The following CFAP206 variants were observed in gnomAD, a reference collection of about 807,000 sequenced individuals.
CFAP206 encodes the protein cilia and flagella associated protein 206.
In CFAP206, 53 loss-of-function variants were observed where a neutral mutation model predicts 65.4. The ratio of observed to expected loss-of-function variants is 0.81; its 90% CI spans 0.65 to 1.02. CFAP206 has a LOEUF of 1.02. CFAP206 is among the 50% of genes least tolerant of loss of function. The pLI is 0.00. For synonymous variants in CFAP206, 250 were observed against 254.4 expected (o/e 0.98, Z 0.17); for missense variants, 663 against 753.2 (o/e 0.88, Z 1.40).
Position 87,431,126 on chromosome 6 carries a change from G to A in CFAP206, c.1253G>A (p.Gly418Glu), listed in dbSNP as rs142723078. Residue 418 changes from glycine to glutamate, a missense_variant, in exon 10 of 13, where the codon GGA (glycine) becomes GAA (glutamate). By Grantham distance (98) the Gly-to-Glu change is moderately conservative. Coordinates refer to ENST00000369562, the MANE Select transcript of CFAP206 (RefSeq NM_001031743.3). ...GATAAACTGTTAATTCAATATCGGG[G>A]ATTTTGTGCTTACACGTTTGCTGCA... is the stretch of plus-strand genomic sequence containing the variant. ...NFDKLLIQYR[G>E]FCAYTFAATD... The A allele has an allele frequency of 6.2e-7, 1 of 1,613,946 alleles. No homozygotes were observed. Among genetic ancestry groups the A allele is most frequent in the Non-Finnish European group, 8.5e-7 (1 of 1,179,918 alleles).
Position 87,415,839 on chromosome 6 carries a change from C to T in CFAP206, c.437C>T (p.Ser146Phe). 1 of 1,604,574 alleles carries T rather than the reference C, an allele frequency of 6.2e-7. No homozygotes were observed. The highest frequency in any genetic ancestry group is 8.5e-7 in the Non-Finnish European group (1 of 1,176,472). Residue 146 changes from serine (S) to phenylalanine (F), a missense_variant, in exon 5 of 13, where the codon TCC becomes TTC. Transcript: ENST00000369562. ...SYVLLRSGLG[S>F]PTDIKTVREV... Reference sequence around the variant, plus strand: ...GTGTTACTCCGCTCTGGCCTTGGATCCCCTACAGACATCAAGACTGTCAGA... The same window carrying T: ...GTGTTACTCCGCTCTGGCCTTGGATTCCCTACAGACATCAAGACTGTCAGA...
Position 87,431,504 on chromosome 6 carries a change from G to A in CFAP206, c.1300+331G>A, listed in dbSNP as rs540157036. 4.6e-5 allele frequency among the ~76,000 whole-genome samples: 7 copies of A among 152,328 alleles called. No homozygotes were observed. In the South Asian group the frequency reaches 1.2e-3, roughly 27 times the overall value. ...ACATTGGCTGCATGCAGTGGCTCAC[G>A]CCTATAATTCCAGCACTTTGGGAGG... On this transcript the variant is annotated intron_variant, in intron 10 of 12. Transcript: ENST00000369562.
chr6:87,408,131 A>AC (rs1392924553), intron 1 of CFAP206, 42 bp downstream of exon 1: 2 of 958,428 alleles, frequency 2.1e-6, no homozygotes, highest in Non-Finnish European at 2.5e-6. Context: ...CCGGAGGCGT[A>AC]CCCCGCCAGG....
At chr6:87,431,722 C>T (rs1768162993) in intron 10 of CFAP206, among the ~76,000 whole-genome samples, 1 of 152,192 alleles carries the variant, frequency 6.6e-6, no homozygotes, top group Non-Finnish European at 1.5e-5. Context: ...GCTGAGATAA[C>T]TCCACTGCAC....
chr6:87,422,214 C>T (rs922688877), intron 7 of CFAP206, among the ~76,000 whole-genome samples: 8 of 151,540 alleles, frequency 5.3e-5, no homozygotes, highest in East Asian at 3.9e-4. Flanking sequence ...TTTGGGAGGC[C>T]GAGGCAGGCG....
intron 7 of CFAP206, among the ~76,000 whole-genome samples, chr6:87,423,259 T>A (rs1449724413): frequency 2.0e-5 from 3 of 150,542 alleles, no homozygotes; most frequent in Admixed American, 6.6e-5. Flanking sequence ...TTTTTCTTTT[T>A]TTTTTTTGAG....
intron 11 of CFAP206, among the ~76,000 whole-genome samples, chr6:87,436,406 C>T (rs1768268986): frequency 6.6e-6 from 1 of 152,018 alleles, no homozygotes. Context: ...TTTTTATCAA[C>T]ATTTTAACTC....
chr6:87,438,630 A>G (rs1490918346), intron 11 of CFAP206, among the ~76,000 whole-genome samples: 1 of 152,004 alleles, frequency 6.6e-6, no homozygotes. Flanking sequence ...ATTTGCCACA[A>G]GAGCCCTTCC....
intron 11 of CFAP206, among the ~76,000 whole-genome samples, chr6:87,458,275 A>T (rs994530458): frequency 2.0e-5 from 3 of 152,064 alleles, no homozygotes; most frequent in Non-Finnish European, 4.4e-5. Context: ...TCCTAAAAAA[A>T]CTATATAGAA....
At chr6:87,440,841 A>G (rs1023584453) in intron 11 of CFAP206, among the ~76,000 whole-genome samples, 1 of 152,290 alleles carries the variant, frequency 6.6e-6, no homozygotes, top group Middle Eastern at 3.4e-3. Flanking sequence ...ATATTACACT[A>G]TGCGTAAACC....
In CFAP206 at chr6:87,455,370, T is replaced by C. The variant is rs114712731; in HGVS notation, c.1495-5652T>C. 2.5e-3 allele frequency among the ~76,000 whole-genome samples: 376 copies of C among 152,230 alleles called. 2 individuals carry two copies. Among genetic ancestry groups the C allele is most frequent in the Middle Eastern group, 0.02 (6 of 294 alleles). On this transcript the variant is annotated intron_variant, in intron 11 of 12. Transcript: ENST00000369562. The stretch of plus-strand genomic sequence containing the variant: ...CAAAAGCAGTAGTAAGAGAGAAGCT[T>C]ATAGCAATAACTATCTACATGAAAA...
At chr6:87,451,858 C>T (rs947561209) in intron 11 of CFAP206, among the ~76,000 whole-genome samples, 8 of 146,270 alleles carry the variant, frequency 5.5e-5, no homozygotes, top group African/African-American at 5.1e-5. Flanking sequence ...GGCGACAGAG[C>T]GAGACTCCAT....
chr6:87,415,661 G>A (rs1767813027), intron 4 of CFAP206, 25 bp from the exon 5 acceptor site: 1 of 1,589,964 alleles, frequency 6.3e-7, no homozygotes. Flanking sequence ...TAAATATATA[G>A]AACATTGTTA....
chr6:87,442,767 T>A (rs1169488255), intron 11 of CFAP206, among the ~76,000 whole-genome samples: 3 of 152,196 alleles, frequency 2.0e-5, no homozygotes, highest in Non-Finnish European at 4.4e-5. Flanking sequence ...AATCTGCTAA[T>A]GTGGTGAATT....
intron 11 of CFAP206, among the ~76,000 whole-genome samples, chr6:87,458,365 C>T (rs541738695): frequency 2.0e-3 from 300 of 152,266 alleles, no homozygotes; most frequent in Middle Eastern, 3.4e-3. Context: ...GATATCTGCA[C>T]TCCCATATTT....
intron 11 of CFAP206, among the ~76,000 whole-genome samples, chr6:87,442,676 GTTT>G (rs976114032): frequency 6.6e-6 from 1 of 152,060 alleles, no homozygotes; most frequent in Non-Finnish European, 1.5e-5. Context: ...TTTGCTGAGA[GTTT>G]TTTATATGAA....
chr6:87,448,872 G>A (rs560381965), intron 11 of CFAP206, among the ~76,000 whole-genome samples: 1 of 152,016 alleles, frequency 6.6e-6, no homozygotes, highest in African/African-American at 2.4e-5. Flanking sequence ...ATATTCTATT[G>A]TGTAAATATA....
chr6:87,434,005 C>T (rs1768207209), intron 10 of CFAP206, among the ~76,000 whole-genome samples: 5 of 151,620 alleles, frequency 3.3e-5, no homozygotes, highest in Admixed American at 2.6e-4. Flanking sequence ...GAGGCTGAGA[C>T]AGGAGAACTG....
intron 12 of CFAP206, among the ~76,000 whole-genome samples, chr6:87,461,410 G>A (rs937571901): frequency 2.6e-5 from 4 of 151,982 alleles, no homozygotes; most frequent in Admixed American, 1.3e-4. Flanking sequence ...TTAAAACTTG[G>A]TGCTAGTATT....
Sources: allele counts gnomAD v4.1 joint callset (sites outside exome capture counted in the v4.1 genomes callset), GRCh38; gene constraint gnomAD v4.1.1; transcripts MANE v1.5; gene names NCBI Gene and HGNC (gene_info 2026-07-23, HGNC 2026-07-21).